The following KALRN variants were observed in gnomAD, a reference collection of about 807,000 sequenced individuals.
The protein encoded by KALRN is kalirin.
A neutral mutation model predicts 353.7 loss-of-function variants in KALRN; 70 were observed. The observed-to-expected ratio is 0.20, with a 90% confidence interval of 0.16 to 0.24. The LOEUF (loss-of-function observed/expected upper bound fraction) is 0.24, where lower values mean the gene tolerates loss of function less well. Among genes scored for constraint, KALRN ranks in the 10% least tolerant of loss-of-function variants. The pLI is 1.00. For missense variants in KALRN, 2,791 were observed against 3,756.7 expected, an observed-to-expected ratio of 0.74 and a Z score of 6.72; for synonymous variants, 1,391 against 1,434.8, an observed-to-expected ratio of 0.97 and a Z score of 0.69.
chr3:124,247,871 G>A (rs966891460), intron 3 of KALRN, among the ~76,000 whole-genome samples: 51 of 151,284 alleles, frequency 3.4e-4, no homozygotes, highest in South Asian at 1.0e-3. Flanking sequence ...GTTTGCCTCT[G>A]TCACTTGTAT....
chr3:124,099,779 A>G (rs531117523), intron 1 of KALRN, among the ~76,000 whole-genome samples: 8 of 152,022 alleles, frequency 5.3e-5, no homozygotes, highest in African/African-American at 1.7e-4. Flanking sequence ...ATGATATCTC[A>G]TTGTGGTTTT....
chr3:124,305,040 C>A (rs549941930), intron 6 of KALRN, among the ~76,000 whole-genome samples: 3 of 152,310 alleles, frequency 2.0e-5, no homozygotes, highest in African/African-American at 7.2e-5. Context: ...TGAGGCTATT[C>A]ATCTCACTCC....
At chr3:124,620,966 C>A (rs1427857198) in intron 34 of KALRN, among the ~76,000 whole-genome samples, 2 of 151,618 alleles carry the variant, frequency 1.3e-5, no homozygotes, top group Non-Finnish European at 2.9e-5. Context: ...ACTGAAGAAG[C>A]CTGCAGTAGT....
chr3:124,646,114 G>A (rs2082684786), intron 37 of KALRN, among the ~76,000 whole-genome samples: 1 of 152,104 alleles, frequency 6.6e-6, no homozygotes, highest in South Asian at 2.1e-4. Context: ...GAGGTGATTG[G>A]TTGGTGTGGT....
chr3:124,485,264 C>A (rs369308298), intron 28 of KALRN, among the ~76,000 whole-genome samples: 39 of 152,176 alleles, frequency 2.6e-4, no homozygotes, highest in Non-Finnish European at 1.0e-4. Context: ...GAAAGACAAA[C>A]CAATGCTGAC....
At chr3:124,119,390 T>G (rs1254766883) in intron 1 of KALRN, among the ~76,000 whole-genome samples, 1 of 152,262 alleles carries the variant, frequency 6.6e-6, no homozygotes, top group East Asian at 1.9e-4. Flanking sequence ...GATATTAAAA[T>G]AAATATTTAA....
intron 1 of KALRN, among the ~76,000 whole-genome samples, chr3:124,166,005 C>T (rs1028743127): frequency 2.6e-5 from 4 of 152,164 alleles, no homozygotes; most frequent in Non-Finnish European, 4.4e-5. Flanking sequence ...AGTGGCTCCT[C>T]TGCCTGGGGT....
intron 14 of KALRN, among the ~76,000 whole-genome samples, chr3:124,419,875 A>C (rs1171003908): frequency 6.6e-6 from 1 of 152,224 alleles, no homozygotes; most frequent in Non-Finnish European, 1.5e-5. Flanking sequence ...CCCCTAAGAA[A>C]AACAGATATA....
chr3:124,225,156 G>A (rs188954197), intron 1 of KALRN, among the ~76,000 whole-genome samples: 2 of 152,260 alleles, frequency 1.3e-5, no homozygotes, highest in East Asian at 1.9e-4. Flanking sequence ...ATGATACATA[G>A]TATCTTTAGT....
At chr3:124,047,286 A>G (rs2040570354) in intron 1 of KALRN, among the ~76,000 whole-genome samples, 2 of 152,200 alleles carry the variant, frequency 1.3e-5, no homozygotes, top group Non-Finnish European at 2.9e-5. Context: ...TGGCTATCAC[A>G]TGATCTTTGT....
chr3:124,197,806 A>G (rs528805194), intron 1 of KALRN, among the ~76,000 whole-genome samples: 9 of 152,212 alleles, frequency 5.9e-5, no homozygotes, highest in African/African-American at 2.2e-4. Context: ...TCATCTAGAA[A>G]TGTTCCTTCT....
intron 1 of KALRN, among the ~76,000 whole-genome samples, chr3:124,153,928 G>A (rs1178812213): frequency 3.3e-5 from 5 of 152,102 alleles, no homozygotes; most frequent in African/African-American, 9.7e-5. Context: ...TTTGAGAAGT[G>A]TCTGTTCATA....
intron 5 of KALRN, among the ~76,000 whole-genome samples, chr3:124,285,303 T>C (rs1424087477): frequency 1.3e-5 from 2 of 152,070 alleles, no homozygotes; most frequent in African/African-American, 4.8e-5. Flanking sequence ...ATTTTCTCTC[T>C]CCTTTCCTCT....
chr3:124,055,916 C>T (rs1356448693), intron 1 of KALRN, among the ~76,000 whole-genome samples: 1 of 152,222 alleles, frequency 6.6e-6, no homozygotes, highest in Non-Finnish European at 1.5e-5. Context: ...AGGTACCCAC[C>T]TTATTCATTC....
At chr3:124,586,753 G>C (rs930705511) in intron 34 of KALRN, among the ~76,000 whole-genome samples, 2 of 152,160 alleles carry the variant, frequency 1.3e-5, no homozygotes, top group Non-Finnish European at 2.9e-5. Context: ...GTGGGTGCCC[G>C]GGGCCTTCTC....
chr3:124,530,692 A>C (rs1267473923), intron 33 of KALRN, among the ~76,000 whole-genome samples: 2 of 152,166 alleles, frequency 1.3e-5, no homozygotes, highest in East Asian at 3.9e-4. Flanking sequence ...GCTAGTAATA[A>C]TCATGATAGT....
At chr3:124,442,645 C>G (rs2093703217) in intron 19 of KALRN, among the ~76,000 whole-genome samples, 2 of 152,056 alleles carry the variant, frequency 1.3e-5, no homozygotes, top group African/African-American at 4.8e-5. Context: ...TTGTAGTTCC[C>G]AGACCAGCCA....
At chr3:124,535,498 A>G (rs1376118949) in intron 33 of KALRN, among the ~76,000 whole-genome samples, 1 of 152,228 alleles carries the variant, frequency 6.6e-6, no homozygotes, top group African/African-American at 2.4e-5. Context: ...GTTTCAGATC[A>G]GGAGTGTCAC....
At chr3:124,681,547 G>A (rs1402144024) in intron 51 of KALRN, among the ~76,000 whole-genome samples, 6 of 151,110 alleles carry the variant, frequency 4.0e-5, no homozygotes, top group Admixed American at 6.6e-5. Flanking sequence ...GAGGCATGTT[G>A]TTGGAAGCAG....
Sources: gnomAD v4.1 joint callset for allele counts (sites outside exome capture counted in the v4.1 genomes callset) on GRCh38, gnomAD v4.1.1 for gene constraint, MANE v1.5 for transcripts, NCBI Gene and HGNC (gene_info 2026-07-23, HGNC 2026-07-21) for gene names.